ABHD5: variants seen among roughly 807,000 people sequenced by gnomAD.
ABHD5 encodes 1-acylglycerol-3-phosphate O-acyltransferase ABHD5.
A neutral mutation model predicts 44.9 loss-of-function variants in ABHD5; 30 were observed. The ratio of observed to expected loss-of-function variants is 0.67; its 90% CI spans 0.50 to 0.91. The LOEUF (loss-of-function observed/expected upper bound fraction) is 0.91. Ranked by LOEUF, ABHD5 falls within the 40% of genes least tolerant of loss-of-function variation. ABHD5 has a pLI of 0.00. For synonymous variants in ABHD5, 167 were observed against 147.0 expected (o/e 1.14, Z -0.99); for missense variants, 399 against 423.4 (o/e 0.94, Z 0.50).
intron 3 of ABHD5, among the ~76,000 whole-genome samples, chr3:43,705,090 A>T (rs1036287387): frequency 2.6e-5 from 4 of 152,230 alleles, no homozygotes; most frequent in Non-Finnish European, 4.4e-5. Context: ...CATGGTTGGC[A>T]CATAGTGGCT....
intron 7 of ABHD5, among the ~76,000 whole-genome samples, chr3:43,728,193 T>C (rs2084890512): frequency 6.6e-6 from 1 of 152,200 alleles, no homozygotes; most frequent in Non-Finnish European, 1.5e-5. Flanking sequence ...TGTAATCTAA[T>C]AGCCCTAGTG....
chr3:43,703,183 T>TG (rs1240682267), intron 3 of ABHD5, among the ~76,000 whole-genome samples: 1 of 3,246 alleles, frequency 3.1e-4, no homozygotes, highest in Non-Finnish European at 7.0e-4. Flanking sequence ...TTTCTTTAAC[T>TG]TTTTTTTTTT....
downstream of ABHD5, among the ~76,000 whole-genome samples, chr3:43,725,960 G>A (rs2084875133): frequency 6.6e-6 from 1 of 151,858 alleles, no homozygotes; most frequent in South Asian, 2.1e-4. Flanking sequence ...CCGCCTCCTG[G>A]GTTCATGCCA....
intron 4 of ABHD5, 87 bp downstream of exon 4, chr3:43,711,950 A>G (rs2084693898): frequency 6.4e-7 from 1 of 1,571,544 alleles, no homozygotes; most frequent in African/African-American, 1.3e-5. Flanking sequence ...TCTTAAAAAC[A>G]AACAAGAAAA....
chr3:43,695,446 C>T (rs1327066481), intron 1 of ABHD5, among the ~76,000 whole-genome samples: 4 of 152,132 alleles, frequency 2.6e-5, no homozygotes, highest in Non-Finnish European at 4.4e-5. Context: ...TGATTTTTCT[C>T]TCTCAACTAC....
chr3:43,691,013 G>A lies in ABHD5; in HGVS notation c.21G>A (p.Glu7=), dbSNP rs780461803. 24 of 1,568,190 alleles carry A rather than the reference G, an allele frequency of 1.5e-5. No individual in the cohort carries two copies. Among genetic ancestry groups the A allele is most frequent in the Middle Eastern group, 1.7e-4 (1 of 5,936 alleles). The change falls in exon 1 of 7, where the codon GAG becomes GAA. Residue 7 remains glutamate (E), a synonymous_variant. Transcript: ENST00000644371. MAAEEE[E]VDSADTGERS... is the part of the protein sequence containing the mutation. ...CGGCTATGGCGGCGGAGGAGGAGGAGGTGGACTCTGCCGACACCGGAGAGA... is the reference window on the plus strand; with the variant it reads ...CGGCTATGGCGGCGGAGGAGGAGGAAGTGGACTCTGCCGACACCGGAGAGA...
chr3:43,706,594 C>A (rs2084623098), intron 3 of ABHD5, among the ~76,000 whole-genome samples: 1 of 151,914 alleles, frequency 6.6e-6, no homozygotes. Context: ...GCTAGTACTA[C>A]AGGTGTGCCA....
At position 43,719,803 on chromosome 3, in the gene ABHD5, A is replaced by G. The variant is rs1251146232; in HGVS notation, c.*1271A>G. The stretch of plus-strand genomic sequence containing the variant: ...AAAATTGAATAGGATTGTCATCAAG[A>G]AGGCATCTTTCGCTAACGTTGCTTG... On this transcript the variant is annotated 3_prime_UTR_variant, in exon 7 of 7. Transcript: ENST00000644371. 6.6e-6 allele frequency: 1 copy of G among 152,228 alleles called. No homozygotes were observed. Among genetic ancestry groups the G allele is most frequent in the Non-Finnish European group, 1.5e-5 (1 of 68,036 alleles). The allele number at this position is 152,228 out of a possible 1,614,324, so 9.4% of individuals were successfully genotyped here. A position where few individuals can be genotyped will look rare whatever the true frequency, so the allele number is the denominator to read the frequency against.
intron 4 of ABHD5, among the ~76,000 whole-genome samples, chr3:43,714,692 T>G (rs2084737987): frequency 6.6e-6 from 1 of 152,214 alleles, no homozygotes. Flanking sequence ...TACATGTTTT[T>G]GAGGCCCTAA....
At chr3:43,725,468 T>G, downstream of ABHD5, among the ~76,000 whole-genome samples, 1 of 152,262 alleles carries the variant, frequency 6.6e-6, no homozygotes, top group East Asian at 1.9e-4. Flanking sequence ...CAAGTAGTTT[T>G]CTAAGTGACA....
At chr3:43,698,492 G>A (rs1575599646) in intron 1 of ABHD5, among the ~76,000 whole-genome samples, 2 of 152,254 alleles carry the variant, frequency 1.3e-5, no homozygotes, top group Non-Finnish European at 2.9e-5. Flanking sequence ...TAAGCTTTTG[G>A]TTTGTGACTG....
At position 43,699,171 on chromosome 3, in the gene ABHD5, A is replaced by T. The variant is rs1263299930; in HGVS notation, c.48-105A>T. 4 of 961,646 alleles carry T rather than the reference A, an allele frequency of 4.2e-6. No homozygotes were observed. In the East Asian group the frequency reaches 9.9e-5, roughly 24 times the overall value. 59.6% of individuals were successfully genotyped at this position (961,646 alleles called of 1,614,324 possible). ...TTGTCACACATAGCTTTACCATCACACAGGTAGTAAATTTCCTGTGCTGCC... is the reference window on the plus strand; with the variant it reads ...TTGTCACACATAGCTTTACCATCACTCAGGTAGTAAATTTCCTGTGCTGCC... On this transcript the variant is annotated intron_variant, in intron 1 of 6. Transcript: ENST00000644371.
chr3:43,700,652 C>T (rs1159227299), intron 2 of ABHD5, among the ~76,000 whole-genome samples: 1 of 151,794 alleles, frequency 6.6e-6, no homozygotes, highest in Non-Finnish European at 1.5e-5. Context: ...CAGCTCACTG[C>T]AACCTCTGCC....
intron 7 of ABHD5, among the ~76,000 whole-genome samples, chr3:43,728,221 A>T (rs1453924158): frequency 6.6e-6 from 1 of 152,150 alleles, no homozygotes; most frequent in Non-Finnish European, 1.5e-5. Context: ...GAAAATTTTT[A>T]CTATGCCAAC....
chr3:43,710,402 C>A (rs2084672848), intron 3 of ABHD5, among the ~76,000 whole-genome samples: 1 of 152,164 alleles, frequency 6.6e-6, no homozygotes, highest in Non-Finnish European at 1.5e-5. Flanking sequence ...TGCCCAATTC[C>A]TTGTCGGCAT....
intron 5 of ABHD5, 92 bp from the exon 6 acceptor site, chr3:43,717,579 G>T: frequency 7.3e-7 from 1 of 1,369,690 alleles, no homozygotes; most frequent in Non-Finnish European, 1.0e-6. Context: ...TGCTGGAAAA[G>T]CTAAATATGA....
intron 4 of ABHD5, among the ~76,000 whole-genome samples, chr3:43,713,356 AAAAAG>A (rs1209610302): frequency 2.0e-5 from 3 of 151,622 alleles, no homozygotes; most frequent in Non-Finnish European, 4.4e-5. Context: ...AAAGAAAAGA[AAAAAG>A]AAAAGATGGG....
chr3:43,709,717 T>TC (rs2084664195), intron 3 of ABHD5, among the ~76,000 whole-genome samples: 1 of 152,100 alleles, frequency 6.6e-6, no homozygotes, highest in Non-Finnish European at 1.5e-5. Flanking sequence ...GCCTCTTCCT[T>TC]CCCCTACCCC....
Position 43,691,098 on chromosome 3 carries a change from G to A in ABHD5, c.47+59G>A, listed in dbSNP as rs6794697. On this transcript the variant is annotated intron_variant, in intron 1 of 6. Transcript: ENST00000644371. ...CCGGCGCGCACCCTCCGCGCGGGCC[G>A]GGTTAGGGCCCAGCGGGCAGCACCA... The A allele has an allele frequency of 5.0e-3, 7,346 of 1,472,312 alleles. 304 individuals are homozygous for A. In the African/African-American group the frequency reaches 0.091, roughly 18 times the overall value. The allele number at this position is 1,472,312 out of a possible 1,614,324, so 91.2% of individuals were successfully genotyped here.
Sources: gnomAD v4.1 joint callset for allele counts (sites outside exome capture counted in the v4.1 genomes callset) on GRCh38, gnomAD v4.1.1 for gene constraint, MANE v1.5 for transcripts, NCBI Gene and HGNC (gene_info 2026-07-23, HGNC 2026-07-21) for gene names.